KDM6A: variants seen among roughly 807,000 people sequenced by gnomAD.
KDM6A encodes the protein lysine-specific demethylase 6A.
Under a neutral mutation model 117.6 loss-of-function variants are expected in KDM6A, and 11 were observed. The ratio of observed to expected loss-of-function variants is 0.09; its 90% CI spans 0.06 to 0.15. The LOEUF is 0.15. Among genes scored for constraint, KDM6A ranks in the 10% least tolerant of loss-of-function variants. The probability of loss-of-function intolerance (pLI) is 1.00; values close to 1 mark genes in which losing one functional copy is unlikely to be tolerated. For synonymous variants in KDM6A, 384 were observed against 396.1 expected (o/e 0.97, Z 0.36); for missense variants, 799 against 1,077.3 (o/e 0.74, Z 3.62).
chrX:44,947,947 T>G (rs1432246599), intron 2 of KDM6A, among the ~76,000 whole-genome samples: 5 of 111,091 alleles, frequency 4.5e-5, no homozygotes, highest in African/African-American at 1.3e-4. Flanking sequence ...ATACAAAAAG[T>G]CACTTTGATA....
chrX:45,041,444 T>C (rs1455364699), intron 8 of KDM6A, among the ~76,000 whole-genome samples: 1 of 93,980 alleles, frequency 1.1e-5, no homozygotes, highest in African/African-American at 4.2e-5. Context: ...CCCCCCCACC[T>C]CCCTCCCGGA....
At chrX:44,945,662 T>G (rs1005403018) in intron 2 of KDM6A, among the ~76,000 whole-genome samples, 14 of 111,910 alleles carry the variant, frequency 1.3e-4, no homozygotes, top group Non-Finnish European at 2.3e-4. Context: ...TTTTGGATGG[T>G]CAAATTTCAT....
intron 2 of KDM6A, among the ~76,000 whole-genome samples, chrX:44,933,478 T>C (rs1289116192): frequency 9.2e-6 from 1 of 109,174 alleles, no homozygotes; most frequent in African/African-American, 3.3e-5. Context: ...TTACGCTATG[T>C]TGGCCAGGCT....
chrX:44,981,849 C>T (rs1036359983), intron 4 of KDM6A, among the ~76,000 whole-genome samples: 1 of 111,714 alleles, frequency 9.0e-6, no homozygotes, highest in Admixed American at 9.5e-5. Flanking sequence ...TTTGGGAGGC[C>T]GAGGTGGGCA....
At chrX:45,010,139 C>A (rs2041686667) in intron 4 of KDM6A, among the ~76,000 whole-genome samples, 1 of 110,423 alleles carries the variant, frequency 9.1e-6, no homozygotes, top group Admixed American at 9.7e-5. Context: ...ATTGATAAAA[C>A]ATATACTGGG....
At chrX:45,000,772 C>T (rs964447703) in intron 4 of KDM6A, among the ~76,000 whole-genome samples, 6 of 112,461 alleles carry the variant, frequency 5.3e-5, no homozygotes, top group Non-Finnish European at 9.4e-5. Flanking sequence ...CGCAGGGTGC[C>T]GGACTTCGGG....
Position 45,110,138 on chromosome X carries a change from A to G in KDM6A, c.4221A>G (p.Ile1407Met), listed in dbSNP as rs1246491671. ...AGAGTAATTCACGAAAGACCTACATAGTACATTGCCAAGATTGTGCACGAA... is the reference window on the plus strand; with the variant it reads ...AGAGTAATTCACGAAAGACCTACATGGTACATTGCCAAGATTGTGCACGAA... ...TNESNSRKTYIVHCQDCARKT... is the reference protein window; with the variant it reads ...TNESNSRKTYMVHCQDCARKT... The change falls in exon 29 of 30, where the codon ATA (isoleucine) becomes ATG (methionine). Residue 1407 changes from isoleucine (I) to methionine (M), a missense_variant. By Grantham distance (10) the Ile-to-Met change is conservative. Coordinates refer to ENST00000611820, the MANE Select transcript of KDM6A (RefSeq NM_001291415.2). 2 of 1,210,025 alleles carry G rather than the reference A, an allele frequency of 1.7e-6. No individual in the cohort carries two copies. The highest frequency in any genetic ancestry group is 1.8e-5 in the South Asian group (1 of 56,964).
chrX:44,999,088 C>T (rs1015293057), intron 4 of KDM6A, among the ~76,000 whole-genome samples: 5 of 99,971 alleles, frequency 5.0e-5, no homozygotes, highest in Non-Finnish European at 9.7e-5. Flanking sequence ...GAGGCCGAGG[C>T]GGGTGGATCA....
chrX:44,965,016 C>T (rs2038935737), intron 3 of KDM6A, among the ~76,000 whole-genome samples: 1 of 112,623 alleles, frequency 8.9e-6, no homozygotes, highest in South Asian at 3.6e-4. Context: ...TGCTACACTT[C>T]TCCATCAGCA....
chrX:44,952,336 A>T (rs929477881), intron 2 of KDM6A, among the ~76,000 whole-genome samples: 1 of 102,394 alleles, frequency 9.8e-6, no homozygotes, highest in African/African-American at 3.8e-5. Context: ...CAGTGGCGCG[A>T]TCTCGGCTCA....
At chrX:44,966,268 A>G (rs2039006482) in intron 3 of KDM6A, among the ~76,000 whole-genome samples, 1 of 110,176 alleles carries the variant, frequency 9.1e-6, no homozygotes, top group Non-Finnish European at 1.9e-5. Context: ...CAGCCTCCTG[A>G]GTAGCTGGAA....
At chrX:44,997,603 G>C (rs978151659) in intron 4 of KDM6A, among the ~76,000 whole-genome samples, 1 of 111,486 alleles carries the variant, frequency 9.0e-6, no homozygotes, top group African/African-American at 3.3e-5. Flanking sequence ...TAGGTCTGAG[G>C]GGGTAGAGCC....
intron 5 of KDM6A, among the ~76,000 whole-genome samples, chrX:45,013,317 C>A (rs1169770504): frequency 9.0e-6 from 1 of 111,350 alleles, no homozygotes; most frequent in Non-Finnish European, 1.9e-5. Context: ...ATCTTTATGG[C>A]CAACTAGAAA....
chrX:45,012,376 T>A (rs1474302966), intron 5 of KDM6A, among the ~76,000 whole-genome samples: 1 of 109,257 alleles, frequency 9.2e-6, no homozygotes, highest in Non-Finnish European at 1.9e-5. Flanking sequence ...AATGTTTTTG[T>A]ATTTTTAGTA....
intron 8 of KDM6A, among the ~76,000 whole-genome samples, chrX:45,041,509 G>T (rs1452411313): frequency 9.5e-6 from 1 of 105,776 alleles, no homozygotes. Context: ...GTGGCTGCCG[G>T]ACGGAGGGGC....
chrX:44,986,880 A>C (rs2040255804), intron 4 of KDM6A, among the ~76,000 whole-genome samples: 1 of 111,759 alleles, frequency 8.9e-6, no homozygotes, highest in African/African-American at 3.3e-5. Flanking sequence ...AGAAGAATGT[A>C]TATTCTGTTG....
chrX:45,039,520 T>TTA (rs1556253250), intron 8 of KDM6A, among the ~76,000 whole-genome samples: 1 of 97,471 alleles, frequency 1.0e-5, no homozygotes, highest in Non-Finnish European at 2.0e-5. Context: ...TTTTTTTTTT[T>TTA]TTTTTTTTTA....
intron 8 of KDM6A, among the ~76,000 whole-genome samples, chrX:45,047,962 C>G (rs1198567611): frequency 9.2e-6 from 1 of 108,936 alleles, no homozygotes; most frequent in African/African-American, 3.3e-5. Flanking sequence ...GAGTTCAAGA[C>G]CAGCCTGGCC....
chrX:44,907,960 T>C (rs972888131), intron 2 of KDM6A, among the ~76,000 whole-genome samples: 2 of 109,372 alleles, frequency 1.8e-5, no homozygotes, highest in Non-Finnish European at 3.8e-5. Context: ...GTGCTCAGTG[T>C]GTCTGTTTTA....
Sources: allele counts gnomAD v4.1 joint callset (sites outside exome capture counted in the v4.1 genomes callset), GRCh38; gene constraint gnomAD v4.1.1; transcripts MANE v1.5; gene names NCBI Gene and HGNC (gene_info 2026-07-23, HGNC 2026-07-21).